Variants in TFCP2 observed in about 807,000 individuals in gnomAD.
TFCP2 encodes transcription factor CP2.
TFCP2 carries 33 observed loss-of-function variants against 73.4 expected under a neutral mutation model. The observed-to-expected ratio is 0.45, with a 90% confidence interval of 0.34 to 0.60. TFCP2 has a LOEUF of 0.60. Ranked by LOEUF, TFCP2 falls within the 20% of genes least tolerant of loss-of-function variation. TFCP2 has a pLI of 0.01. For missense variants in TFCP2, 352 were observed against 604.0 expected (o/e 0.58, Z 4.37); for synonymous variants, 193 against 211.6 (o/e 0.91, Z 0.76).
At chr12:51,145,363 C>T (rs1369930495) in intron 1 of TFCP2, among the ~76,000 whole-genome samples, 1 of 145,010 alleles carries the variant, frequency 6.9e-6, no homozygotes, top group Admixed American at 7.0e-5. Context: ...GCCTGGGGGA[C>T]AGAGTGAGAC....
intron 13 of TFCP2, among the ~76,000 whole-genome samples, chr12:51,097,013 G>C (rs1216141975): frequency 6.6e-6 from 1 of 151,436 alleles, no homozygotes; most frequent in Admixed American, 6.6e-5. Context: ...GCCCAGGCTG[G>C]AGCGCAATGC....
chr12:51,159,349 T>G (rs182975776), intron 1 of TFCP2, among the ~76,000 whole-genome samples: 6 of 151,984 alleles, frequency 3.9e-5, no homozygotes, highest in African/African-American at 1.4e-4. Context: ...ATTTTTTATT[T>G]TTTTTTGAGA....
chr12:51,132,140 T>C (rs909769339), intron 1 of TFCP2, among the ~76,000 whole-genome samples: 1 of 152,042 alleles, frequency 6.6e-6, no homozygotes, highest in Admixed American at 6.6e-5. Flanking sequence ...TAGTCTTAAG[T>C]TTTAAACATC....
At chr12:51,151,656 T>C (rs148912320) in intron 1 of TFCP2, among the ~76,000 whole-genome samples, 1 of 152,276 alleles carries the variant, frequency 6.6e-6, no homozygotes, top group East Asian at 1.9e-4. Context: ...CAGGATGCTC[T>C]CGATCTCCTG....
chr12:51,109,396 C>G, intron 5 of TFCP2, 123 bp from the exon 6 acceptor site: 1 of 905,866 alleles, frequency 1.1e-6, no homozygotes, highest in Non-Finnish European at 1.7e-6. Context: ...ACAAAAAACA[C>G]TTTTCCTCTT....
chr12:51,161,688 T>A (rs12821689), intron 1 of TFCP2, among the ~76,000 whole-genome samples: 92,641 of 128,782 alleles, frequency 0.72, 32,114 homozygotes, highest in Non-Finnish European at 0.78. Context: ...TCAAAAAAAA[T>A]AATAATAATA....
intron 1 of TFCP2, among the ~76,000 whole-genome samples, chr12:51,161,946 CAAGT>C (rs1391104271): frequency 6.7e-6 from 1 of 149,326 alleles, no homozygotes; most frequent in East Asian, 2.0e-4. Context: ...AATGTATAAA[CAAGT>C]AAGGAATATC....
intron 1 of TFCP2, chr12:51,124,561 G>A (rs1406122552): frequency 1.9e-5 from 9 of 468,038 alleles, no homozygotes; most frequent in East Asian, 5.8e-5. Context: ...GTCAGCCTGC[G>A]GAGGTGCAGG....
chr12:51,169,056 T>A (rs1941809093), intron 1 of TFCP2, among the ~76,000 whole-genome samples: 1 of 151,216 alleles, frequency 6.6e-6, no homozygotes, highest in African/African-American at 2.4e-5. Flanking sequence ...CCCACCTCAG[T>A]CTCCCAAAGT....
chr12:51,162,717 C>T (rs1345838223), intron 1 of TFCP2, among the ~76,000 whole-genome samples: 1 of 152,138 alleles, frequency 6.6e-6, no homozygotes, highest in African/African-American at 2.4e-5. Flanking sequence ...GTCACCCAGG[C>T]TGGAGTGCAG....
At chr12:51,132,242 T>G (rs1940959020) in intron 1 of TFCP2, among the ~76,000 whole-genome samples, 2 of 152,072 alleles carry the variant, frequency 1.3e-5, no homozygotes, top group Non-Finnish European at 2.9e-5. Context: ...CACAGTTCTC[T>G]GTATTCACAC....
Position 51,103,746 on chromosome 12 carries a change from G to A in TFCP2, c.984C>T (p.Thr328=), listed in dbSNP as rs1159414608. Residue 328 remains threonine (T), a synonymous_variant, in exon 10 of 15, where the codon ACC becomes ACT. Coordinates refer to ENST00000257915, the MANE Select transcript of TFCP2 (RefSeq NM_005653.5). ...ACCACTGCTGAGCTTCCTGAGGTGT[G>A]GTTGTTGGTAAGAGGTTCTGAAAGG... The part of the protein sequence containing the change: ...PPVTDNLLPT[T]TPQEAQQWLH... 3.1e-6 allele frequency: 5 copies of A among 1,613,726 alleles called. No individual in the cohort carries two copies. The highest frequency in any genetic ancestry group is 4.2e-6 in the Non-Finnish European group (5 of 1,179,860).
intron 1 of TFCP2, among the ~76,000 whole-genome samples, chr12:51,137,241 C>T (rs894375304): frequency 1.3e-5 from 2 of 151,902 alleles, no homozygotes; most frequent in African/African-American, 4.8e-5. Flanking sequence ...CTTTTTTTGC[C>T]TCAAGTCTTT....
intron 14 of TFCP2, among the ~76,000 whole-genome samples, 167 bp downstream of exon 14, chr12:51,095,813 CAAAAAAAAA>C (rs34105291): frequency 1.1e-4 from 9 of 84,180 alleles, no homozygotes; most frequent in Non-Finnish European, 1.2e-4. Context: ...GACTCTGTTT[CAAAAAAAAA>C]AAAAAAAAAA....
chr12:51,115,575 G>C (rs778249665), intron 4 of TFCP2, among the ~76,000 whole-genome samples: 7 of 152,128 alleles, frequency 4.6e-5, no homozygotes, highest in Non-Finnish European at 7.4e-5. Context: ...TAAAAGCAGA[G>C]ACTCAAACAC....
intron 1 of TFCP2, among the ~76,000 whole-genome samples, chr12:51,167,745 C>T (rs1941784078): frequency 1.3e-5 from 2 of 152,148 alleles, no homozygotes; most frequent in South Asian, 4.1e-4. Flanking sequence ...GGGTGGCACA[C>T]TAAGATCCAA....
chr12:51,161,492 A>C (rs1198367388), intron 1 of TFCP2, among the ~76,000 whole-genome samples: 3 of 151,940 alleles, frequency 2.0e-5, no homozygotes, highest in Admixed American at 2.0e-4. Flanking sequence ...CATCCTGGCT[A>C]ACACGGTGAA....
chr12:51,122,239 AT>A (rs1430703106), intron 1 of TFCP2, among the ~76,000 whole-genome samples: 11 of 113,936 alleles, frequency 9.7e-5, no homozygotes, highest in South Asian at 2.8e-4. Flanking sequence ...AAACAGTTTT[AT>A]TTTTTTTCTT....
At chr12:51,156,075 A>T in intron 1 of TFCP2, among the ~76,000 whole-genome samples, 1 of 151,728 alleles carries the variant, frequency 6.6e-6, no homozygotes, top group East Asian at 1.9e-4. Flanking sequence ...AAAAAAAGAA[A>T]GAACTATTAG....
Sources: allele counts gnomAD v4.1 joint callset (sites outside exome capture counted in the v4.1 genomes callset), GRCh38; gene constraint gnomAD v4.1.1; transcripts MANE v1.5; gene names NCBI Gene and HGNC (gene_info 2026-07-23, HGNC 2026-07-21).